Variants in ACTR3C observed in about 807,000 individuals in gnomAD.
ACTR3C encodes actin-related protein 3C.
A neutral mutation model predicts 26.3 loss-of-function variants in ACTR3C; 18 were observed. The observed-to-expected ratio is 0.68, with a 90% CI of 0.47 to 1.01. ACTR3C has a LOEUF of 1.01. ACTR3C is among the 50% of genes least tolerant of loss of function. ACTR3C has a pLI of 0.00. For missense variants in ACTR3C, 184 were observed against 250.7 expected (o/e 0.73, Z 1.80); for synonymous variants, 55 against 94.5 (o/e 0.58, Z 2.42).
chr7:149,919,878 A>G, the ACTR3C span, among the ~76,000 whole-genome samples: 1 of 143,856 alleles, frequency 7.0e-6, no homozygotes, highest in Non-Finnish European at 1.5e-5. Context: ...GTATTCCTTA[A>G]CCACATATTC....
At chr7:150,312,630 CACCTTAG>C (rs1228975603) in intron 1 of ACTR3C, among the ~76,000 whole-genome samples, 1 of 152,164 alleles carries the variant, frequency 6.6e-6, no homozygotes, top group East Asian at 1.9e-4. Context: ...CATAGAAATG[CACCTTAG>C]ACCCGAAACT....
chr7:149,912,209 A>C, the ACTR3C span, among the ~76,000 whole-genome samples: 35 of 151,434 alleles, frequency 2.3e-4, no homozygotes, highest in Admixed American at 2.3e-3. Flanking sequence ...CCTCATTTCC[A>C]TCCCAAAGTT....
chr7:149,959,455 A>G, the ACTR3C span, among the ~76,000 whole-genome samples: 1 of 152,160 alleles, frequency 6.6e-6, no homozygotes, highest in African/African-American at 2.4e-5. Flanking sequence ...AAGATTGCAC[A>G]TGTCTGTGAT....
chr7:150,215,050 T>G, the ACTR3C span, among the ~76,000 whole-genome samples: 1 of 150,378 alleles, frequency 6.6e-6, no homozygotes, highest in Non-Finnish European at 1.5e-5. Context: ...ATCAAAATTG[T>G]TTTAGCTGAT....
chr7:150,097,686 C>T, the ACTR3C span, among the ~76,000 whole-genome samples: 4 of 151,446 alleles, frequency 2.6e-5, no homozygotes, highest in Non-Finnish European at 5.9e-5. Context: ...CCTGTTTTAG[C>T]CTGAACTCAA....
intron 1 of ACTR3C, among the ~76,000 whole-genome samples, chr7:150,315,919 C>T (rs955871570): frequency 1.1e-4 from 16 of 152,152 alleles, no homozygotes; most frequent in Non-Finnish European, 2.2e-4. Flanking sequence ...ATGCATAGGC[C>T]GGCCGCGGTG....
the ACTR3C span, among the ~76,000 whole-genome samples, chr7:149,887,761 A>C: frequency 6.6e-6 from 1 of 150,522 alleles, no homozygotes; most frequent in Admixed American, 6.7e-5. Context: ...TATCTCCCAG[A>C]ATTCCCCTGT....
chr7:150,042,113 CT>C, the ACTR3C span, among the ~76,000 whole-genome samples: 217 of 66,106 alleles, frequency 3.3e-3, 1 homozygote, highest in African/African-American at 6.5e-3. Flanking sequence ...TGCCTCCCCC[CT>C]CTGCGATGGG....
At chr7:150,177,970 C>A in the ACTR3C span, among the ~76,000 whole-genome samples, 1 of 150,648 alleles carries the variant, frequency 6.6e-6, no homozygotes, top group African/African-American at 2.5e-5. Flanking sequence ...ATAAAGGGGA[C>A]ATTACAAATT....
the ACTR3C span, among the ~76,000 whole-genome samples, chr7:149,940,714 C>T: frequency 5.1e-5 from 7 of 137,836 alleles, no homozygotes; most frequent in Non-Finnish European, 9.7e-5. Flanking sequence ...CACCTCCCCA[C>T]TCTCCTAGGA....
the ACTR3C span, among the ~76,000 whole-genome samples, chr7:150,142,734 G>C: frequency 4.8e-4 from 73 of 152,166 alleles, no homozygotes; most frequent in South Asian, 0.014. Flanking sequence ...TTACTATGCT[G>C]GCCAGGCTGG....
chr7:150,320,184 A>G (rs946375909), intron 1 of ACTR3C, among the ~76,000 whole-genome samples: 1 of 152,266 alleles, frequency 6.6e-6, no homozygotes, highest in Non-Finnish European at 1.5e-5. Flanking sequence ...TGCACAGGAA[A>G]GAATTTAGGG....
the ACTR3C span, among the ~76,000 whole-genome samples, chr7:150,042,975 G>C: frequency 2.3e-4 from 35 of 151,070 alleles, no homozygotes; most frequent in Non-Finnish European, 2.7e-4. Context: ...CAAAGTTTCC[G>C]GGTCCCCGCC....
At chr7:150,216,984 CAA>C in the ACTR3C span, among the ~76,000 whole-genome samples, 83 of 105,198 alleles carry the variant, frequency 7.9e-4, no homozygotes, top group African/African-American at 2.6e-3. Context: ...GACTCGGTCT[CAA>C]AAAAAAAAAA....
In ACTR3C at chr7:150,299,487, A is replaced by AAAC. The variant is rs1260284231; in HGVS notation, c.-51-4141_-51-4140insGTT. ...CTCAAAAAAAAAAAAAAAAAAAAAA[A>AAAC]AAAAAAACAAAAAACAGGCTGGGTG... On this transcript the variant is annotated intron_variant, in intron 1 of 7. Transcript: ENST00000683684. Among the ~76,000 whole-genome samples the AAAC allele has an allele frequency of 5.7e-4, 82 of 143,718 alleles. 2 individuals carry two copies. Among genetic ancestry groups the AAAC allele is most frequent in the African/African-American group, 2.1e-3 (76 of 36,260 alleles). The allele number at this position is 143,718 out of a possible 152,430, so 94.3% of individuals were successfully genotyped here.
intron 2 of ACTR3C, among the ~76,000 whole-genome samples, chr7:150,293,924 A>G (rs1223286941): frequency 6.6e-6 from 1 of 152,262 alleles, no homozygotes; most frequent in Non-Finnish European, 1.5e-5. Flanking sequence ...CAACACAGTG[A>G]GACCTTGTCT....
At chr7:150,000,321 T>C in the ACTR3C span, among the ~76,000 whole-genome samples, 4 of 131,252 alleles carry the variant, frequency 3.0e-5, no homozygotes, top group Non-Finnish European at 6.5e-5. Context: ...CGATTTCCTT[T>C]TACTGACTTG....
At chr7:150,093,929 T>G in the ACTR3C span, among the ~76,000 whole-genome samples, 1 of 150,768 alleles carries the variant, frequency 6.6e-6, no homozygotes, top group East Asian at 1.9e-4. Flanking sequence ...TTTTAAGTGC[T>G]CCCTGTAGAT....
chr7:150,073,607 A>G, the ACTR3C span: 1 of 148,418 alleles, frequency 6.7e-6, no homozygotes, highest in Non-Finnish European at 1.5e-5. Context: ...ATTTTCCCAA[A>G]CAAAACAAGA....
Sources: allele counts gnomAD v4.1 joint callset (sites outside exome capture counted in the v4.1 genomes callset), GRCh38; gene constraint gnomAD v4.1.1; transcripts MANE v1.5; gene names NCBI Gene and HGNC (gene_info 2026-07-23, HGNC 2026-07-21).